The following MEIKIN variants were observed in gnomAD, a reference collection of about 807,000 sequenced individuals.
MEIKIN encodes the protein meiosis-specific kinetochore protein.
At chr5:131,844,150 C>T (rs565768357) in intron 11 of MEIKIN, among the ~76,000 whole-genome samples, 300 of 152,226 alleles carry the variant, frequency 2.0e-3, no homozygotes, top group African/African-American at 6.6e-3. Flanking sequence ...GTCACAAGAA[C>T]AGCAAGGGGG....
intron 8 of MEIKIN, among the ~76,000 whole-genome samples, chr5:131,889,880 C>T (rs1171439619): frequency 6.6e-5 from 10 of 152,106 alleles, no homozygotes; most frequent in Admixed American, 2.0e-4. Context: ...TTTTGAGATA[C>T]GTCCCATCAA....
At chr5:131,885,252 C>G (rs1356019187) in intron 8 of MEIKIN, among the ~76,000 whole-genome samples, 1 of 151,796 alleles carries the variant, frequency 6.6e-6, no homozygotes, top group Non-Finnish European at 1.5e-5. Flanking sequence ...GGCTTTAGTT[C>G]TGACCAAGCA....
intron 9 of MEIKIN, among the ~76,000 whole-genome samples, chr5:131,871,195 G>T (rs1750488410): frequency 6.6e-6 from 1 of 152,188 alleles, no homozygotes; most frequent in African/African-American, 2.4e-5. Context: ...CCGAAGCAGG[G>T]CAAGGAATCA....
chr5:131,935,776 A>T (rs1236571404), intron 4 of MEIKIN, among the ~76,000 whole-genome samples: 2 of 151,788 alleles, frequency 1.3e-5, no homozygotes, highest in Admixed American at 1.3e-4. Context: ...TCCTATGCCA[A>T]CTCCCTTGTT....
chr5:131,841,656 T>C (rs1488495100), intron 11 of MEIKIN, among the ~76,000 whole-genome samples: 2 of 152,204 alleles, frequency 1.3e-5, no homozygotes, highest in Non-Finnish European at 2.9e-5. Flanking sequence ...ATAATGATTG[T>C]AACGAATCTG....
intron 9 of MEIKIN, among the ~76,000 whole-genome samples, chr5:131,871,606 T>C (rs908859040): frequency 1.3e-5 from 2 of 152,208 alleles, no homozygotes; most frequent in Non-Finnish European, 1.5e-5. Flanking sequence ...AGCAGTGACC[T>C]CTGCAGACTT....
intron 9 of MEIKIN, among the ~76,000 whole-genome samples, chr5:131,878,714 T>A (rs896448227): frequency 2.6e-5 from 4 of 151,806 alleles, no homozygotes; most frequent in African/African-American, 4.8e-5. Context: ...ACAAAAAAAA[T>A]TTAAAAATTA....
chr5:131,824,436 C>T (rs1321802319), intron 11 of MEIKIN, among the ~76,000 whole-genome samples: 2 of 151,928 alleles, frequency 1.3e-5, no homozygotes. Flanking sequence ...AGGAGAATCA[C>T]TTGAGCCCAA....
intron 9 of MEIKIN, among the ~76,000 whole-genome samples, chr5:131,861,630 A>G (rs568025401): frequency 8.5e-5 from 13 of 152,242 alleles, no homozygotes; most frequent in African/African-American, 3.1e-4. Context: ...TGTTCTTTCT[A>G]TGCCTAGTTT....
intron 8 of MEIKIN, among the ~76,000 whole-genome samples, chr5:131,883,195 T>TAC (rs1346399153): frequency 5.9e-5 from 9 of 152,346 alleles, no homozygotes; most frequent in African/African-American, 1.9e-4. Context: ...TAAATTGAGA[T>TAC]GCCTCTAAAA....
chr5:131,945,164 C>G lies in MEIKIN; in HGVS notation c.192G>C (p.Gly64=), dbSNP rs1751940719. The stretch of plus-strand genomic sequence containing the variant: ...TACTGGAGGCTACATACCTGAACGG[C>G]CCAGAGCCGCTACCTCCCTGCCTGC... ...ERSRQGGSGS[G]PFSPRLGVTG... Residue 64 remains glycine (G), a synonymous_variant, in exon 2 of 13, where the codon GGG becomes GGC. Coordinates refer to ENST00000442687, the MANE Select transcript of MEIKIN (RefSeq NM_001303622.2). The G allele has an allele frequency of 2.5e-6, 1 of 399,078 alleles. No homozygotes were observed. Among genetic ancestry groups the G allele is most frequent in the African/African-American group, 2.1e-5 (1 of 48,652 alleles). The allele number at this position is 399,078 out of a possible 1,614,324, so 24.7% of individuals were successfully genotyped here.
chr5:131,903,470 A>G (rs2149639976), intron 8 of MEIKIN, among the ~76,000 whole-genome samples: 1 of 152,344 alleles, frequency 6.6e-6, no homozygotes, highest in East Asian at 1.9e-4. Context: ...AAACCCCATA[A>G]GCCAGAAGAG....
intron 11 of MEIKIN, among the ~76,000 whole-genome samples, chr5:131,847,436 G>A (rs1750039409): frequency 6.6e-6 from 1 of 152,000 alleles, no homozygotes; most frequent in African/African-American, 2.4e-5. Flanking sequence ...AAGGTTATAA[G>A]AGACAAAGAT....
At chr5:131,823,234 A>G (rs1411040786) in intron 11 of MEIKIN, among the ~76,000 whole-genome samples, 2 of 151,968 alleles carry the variant, frequency 1.3e-5, no homozygotes, top group Non-Finnish European at 2.9e-5. Context: ...ATTTTTCTCT[A>G]TGATTGGGAA....
intron 9 of MEIKIN, among the ~76,000 whole-genome samples, chr5:131,868,156 C>A (rs1368246613): frequency 6.6e-6 from 1 of 152,072 alleles, no homozygotes; most frequent in Non-Finnish European, 1.5e-5. Flanking sequence ...GTGGCATGAT[C>A]ACAGTTCATT....
At chr5:131,876,420 G>A (rs1211301650) in intron 9 of MEIKIN, among the ~76,000 whole-genome samples, 2 of 150,448 alleles carry the variant, frequency 1.3e-5, no homozygotes, top group African/African-American at 2.5e-5. Context: ...GGTCATCAGA[G>A]AAATGCAAAT....
At chr5:131,860,539 A>C (rs1383443444) in intron 9 of MEIKIN, among the ~76,000 whole-genome samples, 1 of 151,378 alleles carries the variant, frequency 6.6e-6, no homozygotes. Context: ...TCCGCCTCCC[A>C]GGTTCAAGCA....
chr5:131,889,026 A>T (rs142835453), intron 8 of MEIKIN, among the ~76,000 whole-genome samples: 54,887 of 151,920 alleles, frequency 0.36, 11,813 homozygotes, highest in African/African-American at 0.61. Context: ...GTTGTAGATA[A>T]GTGGCATTAT....
chr5:131,822,348 G>A (rs945319291), intron 11 of MEIKIN, among the ~76,000 whole-genome samples: 8 of 151,412 alleles, frequency 5.3e-5, no homozygotes, highest in Admixed American at 3.9e-4. Context: ...TTTTCTGGTT[G>A]ACTGACGGTC....
Sources: allele counts gnomAD v4.1 joint callset (sites outside exome capture counted in the v4.1 genomes callset), GRCh38; gene constraint gnomAD v4.1.1; transcripts MANE v1.5; gene names NCBI Gene and HGNC (gene_info 2026-07-23, HGNC 2026-07-21).